LNPEP: variants seen among roughly 807,000 people sequenced by gnomAD.
LNPEP encodes leucyl and cystinyl aminopeptidase, also known as leucyl-cystinyl aminopeptidase.
LNPEP carries 64 observed loss-of-function variants against 120.6 expected under a neutral mutation model. That is an observed-to-expected ratio of 0.53 (90% confidence interval 0.43 to 0.65). The LOEUF is 0.65. LNPEP is among the 30% of genes least tolerant of loss of function. The pLI is 0.00. For synonymous variants in LNPEP, 435 were observed against 425.4 expected (o/e 1.02, Z -0.28); for missense variants, 1,057 against 1,200.0 (o/e 0.88, Z 1.76).
chr5:96,996,227 T>G, intron 6 of LNPEP, 163 bp from the exon 7 acceptor site: 1 of 469,434 alleles, frequency 2.1e-6, no homozygotes, highest in Admixed American at 4.1e-5. Context: ...CTTTTGTAAG[T>G]TCTAAATTAA....
intron 11 of LNPEP, among the ~76,000 whole-genome samples, chr5:97,009,581 A>C (rs1377304616): frequency 1.3e-5 from 2 of 152,182 alleles, no homozygotes; most frequent in African/African-American, 2.4e-5. Flanking sequence ...GAATATACAA[A>C]ATTCACTAGA....
At chr5:96,995,162 G>C (rs73139210) in intron 6 of LNPEP, among the ~76,000 whole-genome samples, 34 of 152,222 alleles carry the variant, frequency 2.2e-4, no homozygotes, top group African/African-American at 7.5e-4. Context: ...CTCTAGGTCT[G>C]TTATTTCTGA....
intron 2 of LNPEP, among the ~76,000 whole-genome samples, chr5:96,984,115 G>T (rs1198183985): frequency 1.3e-5 from 2 of 152,116 alleles, no homozygotes; most frequent in Non-Finnish European, 2.9e-5. Context: ...CAAACTGAGG[G>T]TCAGGCTGCT....
chr5:97,027,108 C>T (rs1298580951), intron 16 of LNPEP, among the ~76,000 whole-genome samples: 1 of 152,172 alleles, frequency 6.6e-6, no homozygotes, highest in Admixed American at 6.5e-5. Flanking sequence ...AATCCCAGCA[C>T]TTTGGGAGGC....
At position 96,998,063 on chromosome 5, in the gene LNPEP, TAA is replaced by T. The variant is rs1349820456; in HGVS notation, c.1573_1574del (p.Asn525PhefsTer16). 1 of 1,582,172 alleles carries T rather than the reference TAA, an allele frequency of 6.3e-7. No homozygotes were observed. The highest frequency in any genetic ancestry group is 8.6e-7 in the Non-Finnish European group (1 of 1,156,098). ...TTTAAAACCATGAAGAAAGATTCCT[TAA>T]ATTCATCTCATCCAATATCATCATC... On this transcript the variant is annotated frameshift_variant, in exon 8 of 18. Transcript: ENST00000231368. LOFTEE classifies it high-confidence loss of function.
intron 1 of LNPEP, among the ~76,000 whole-genome samples, chr5:96,963,563 C>G (rs1789656299): frequency 6.6e-6 from 1 of 152,120 alleles, no homozygotes; most frequent in African/African-American, 2.4e-5. Flanking sequence ...ATGGGGCTCT[C>G]CAGTAGTAAA....
chr5:96,975,704 C>T (rs1233982207), intron 1 of LNPEP, among the ~76,000 whole-genome samples: 3 of 151,962 alleles, frequency 2.0e-5, no homozygotes, highest in Non-Finnish European at 4.4e-5. Flanking sequence ...ACAAAAATAG[C>T]TCAGTTTTAT....
chr5:97,007,506 G>A (rs1353442650), intron 11 of LNPEP, among the ~76,000 whole-genome samples: 2 of 152,052 alleles, frequency 1.3e-5, no homozygotes, highest in South Asian at 2.1e-4. Flanking sequence ...CTGTATTAAT[G>A]TTAACTATCA....
chr5:96,944,552 TATTTTTGC>T (rs1266662184), intron 1 of LNPEP, among the ~76,000 whole-genome samples: 2 of 146,612 alleles, frequency 1.4e-5, no homozygotes, highest in East Asian at 2.0e-4. Flanking sequence ...TTGTTTTTCT[TATTTTTGC>T]TTTTTTTTTT....
intron 1 of LNPEP, among the ~76,000 whole-genome samples, chr5:96,945,063 G>GT (rs1451282880): frequency 1.5e-4 from 23 of 151,866 alleles, no homozygotes; most frequent in Non-Finnish European, 4.4e-5. Context: ...TTATCAGAAC[G>GT]TAAAATGTGC....
rs2112646157 is a variant in LNPEP at position 97,006,166 on chromosome 5, G to A, written c.1879G>A (p.Glu627Lys). Residue 627 changes from glutamate to lysine, a missense_variant, in exon 10 of 18, where the codon GAA becomes AAA. Coordinates refer to ENST00000231368, the MANE Select transcript of LNPEP (RefSeq NM_005575.3). Reference protein sequence around the residue: ...PLVTVQKKGKELFIQQERFFL... With the variant: ...PLVTVQKKGKKLFIQQERFFL... ...AGTGACTGTTCAAAAGAAAGGAAAG[G>A]AACTTTTTATACAACAAGAGAGATT... 6.2e-7 allele frequency: 1 copy of A among 1,603,526 alleles called. No individual in the cohort carries two copies. The highest frequency in any genetic ancestry group is 8.5e-7 in the Non-Finnish European group (1 of 1,174,962).
chr5:96,970,866 A>C (rs1475207429), intron 1 of LNPEP, among the ~76,000 whole-genome samples: 1 of 151,990 alleles, frequency 6.6e-6, no homozygotes, highest in Non-Finnish European at 1.5e-5. Context: ...GGTTTTAAGC[A>C]TACAGTTTTT....
chr5:96,997,911 C>T (rs1790553542), intron 7 of LNPEP, 103 bp from the exon 8 acceptor site: 10 of 774,282 alleles, frequency 1.3e-5, no homozygotes, highest in African/African-American at 3.6e-5. Flanking sequence ...TCATTTTTTC[C>T]TAATGATATT....
intron 1 of LNPEP, among the ~76,000 whole-genome samples, chr5:96,951,432 T>C (rs889854634): frequency 2.0e-5 from 3 of 152,102 alleles, no homozygotes; most frequent in African/African-American, 7.2e-5. Context: ...TAATTTTTTG[T>C]ATTTTTTAGT....
intron 4 of LNPEP, among the ~76,000 whole-genome samples, chr5:96,991,396 T>C (rs1582010235): frequency 6.6e-6 from 1 of 152,196 alleles, no homozygotes; most frequent in Non-Finnish European, 1.5e-5. Flanking sequence ...TTTTCTATAG[T>C]GGTTGTACTA....
intron 8 of LNPEP, among the ~76,000 whole-genome samples, chr5:97,002,312 A>C (rs1790675691): frequency 6.6e-6 from 1 of 152,148 alleles, no homozygotes; most frequent in African/African-American, 2.4e-5. Context: ...GGTAACGAGG[A>C]GGGTGAAGTT....
intron 13 of LNPEP, among the ~76,000 whole-genome samples, chr5:97,021,911 T>C (rs1285596978): frequency 6.7e-6 from 1 of 149,694 alleles, no homozygotes; most frequent in Admixed American, 6.8e-5. Context: ...TTTTTTTTGT[T>C]TTTTGTCTTT....
At chr5:96,985,889 G>C (rs79697221) in intron 3 of LNPEP, among the ~76,000 whole-genome samples, 1 of 152,062 alleles carries the variant, frequency 6.6e-6, no homozygotes, top group Non-Finnish European at 1.5e-5. Flanking sequence ...GTAGGCAGCA[G>C]AGAGCATAAT....
intron 1 of LNPEP, among the ~76,000 whole-genome samples, chr5:96,957,945 T>TC (rs1561431426): frequency 6.6e-6 from 1 of 152,236 alleles, no homozygotes; most frequent in Non-Finnish European, 1.5e-5. Context: ...ATTTAAGGGA[T>TC]CCTCTTTTCT....
Sources: allele counts gnomAD v4.1 joint callset (sites outside exome capture counted in the v4.1 genomes callset), GRCh38; gene constraint gnomAD v4.1.1; transcripts MANE v1.5; gene names NCBI Gene and HGNC (gene_info 2026-07-23, HGNC 2026-07-21).